Variants in DAB2IP observed in about 807,000 individuals in gnomAD.
DAB2IP encodes DAB2 interacting protein, also known as disabled homolog 2-interacting protein.
A neutral mutation model predicts 107.2 loss-of-function variants in DAB2IP; 28 were observed. The ratio of observed to expected loss-of-function variants is 0.26; its 90% CI spans 0.19 to 0.36. DAB2IP has a LOEUF of 0.36. DAB2IP is among the 10% of genes least tolerant of loss of function. The pLI, the probability that DAB2IP is intolerant of heterozygous loss-of-function variation, is 1.00. For missense variants in DAB2IP, 1,400 were observed against 1,644.7 expected, an observed-to-expected ratio of 0.85 and a Z score of 2.57; for synonymous variants, 755 against 706.4, an observed-to-expected ratio of 1.07 and a Z score of -1.09.
chr9:121,585,131 C>T (rs1373818759), intron 1 of DAB2IP, among the ~76,000 whole-genome samples: 2 of 152,180 alleles, frequency 1.3e-5, no homozygotes, highest in African/African-American at 4.8e-5. Context: ...TATCTACTCA[C>T]TGCATTGAAC....
At position 121,633,061 on chromosome 9, in the gene DAB2IP, C is replaced by T. The variant is rs142127436; in HGVS notation, c.41-45617C>T. Among the ~76,000 whole-genome samples the T allele has an allele frequency of 4.6e-5, 7 of 152,256 alleles. No individual in the cohort carries two copies. Among genetic ancestry groups the T allele is most frequent in the Admixed American group, 4.6e-4 (7 of 15,294 alleles). ...CCGGGCAGTGGGAGCCCACTGATGC[C>T]GGAGAATAAATTTGCTGTTTTGTAG... On this transcript the variant is annotated intron_variant, in intron 1 of 16. Transcript: ENST00000259371. The surrounding 1 kb of genome is among the most constrained non-coding windows in gnomAD (Gnocchi z 5.1).
intron 3 of DAB2IP, among the ~76,000 whole-genome samples, chr9:121,756,310 C>T (rs915798997): frequency 1.3e-5 from 2 of 152,198 alleles, no homozygotes; most frequent in African/African-American, 4.8e-5. Context: ...CGTTTGGGTG[C>T]CGGGTGGCAT....
At chr9:121,770,627 C>A (rs1834650904) in exon 11 of DAB2IP, 1 of 1,614,050 alleles carries the variant, frequency 6.2e-7, no homozygotes, top group South Asian at 1.1e-5. Context: ...TAGCGGGCAG[C>A]TCCCAGGGAC....
chr9:121,783,827 C>T (rs1835826204), exon 16 of DAB2IP: 1 of 526,544 alleles, frequency 1.9e-6, no homozygotes, highest in South Asian at 2.4e-5. Context: ...CCCTCCCCCA[C>T]TTTCAAGACA....
At chr9:121,654,434 TTTTGTTTG>T (rs201949718) in intron 1 of DAB2IP, among the ~76,000 whole-genome samples, 1 of 152,032 alleles carries the variant, frequency 6.6e-6, no homozygotes, top group Admixed American at 6.5e-5. Flanking sequence ...TCAATATTGT[TTTTGTTTG>T]TTTGTTTGTT....
chr9:121,702,450 AAACGGCC>A lies in DAB2IP; in HGVS notation c.362+2993_362+2999del, dbSNP rs1220153395. Among the ~76,000 whole-genome samples the A allele has an allele frequency of 6.6e-6, 1 of 152,118 alleles. No homozygotes were observed. The highest frequency in any genetic ancestry group is 1.5e-5 in the Non-Finnish European group (1 of 68,022). ...TTGAGCCTTCGGACTTATTCTTCTG[AAACGGCC>A]TCAGGGGAGGTTGCCAGCTGGTCTC... is the stretch of plus-strand genomic sequence containing the variant. On this transcript the variant is annotated intron_variant, in intron 3 of 15. Coordinates refer to ENST00000408936, the Ensembl canonical transcript of DAB2IP. The surrounding 1 kb of genome is among the most constrained non-coding windows in gnomAD (Gnocchi z 4.5).
In DAB2IP at chr9:121,699,590, G is replaced by T; in HGVS notation, c.362+132G>T. 1.2e-6 allele frequency: 1 copy of T among 801,346 alleles called. No individual in the cohort carries two copies. The highest frequency in any genetic ancestry group is 1.6e-6 in the Non-Finnish European group (1 of 627,836). 49.6% of individuals were successfully genotyped at this position (801,346 alleles called of 1,614,324 possible). ...TGGGGGGACCCCACGCCGCCCGCCG[G>T]GAACTTATGGGGCCACCTCGGCCGG... On this transcript the variant is annotated intron_variant, in intron 3 of 15. Coordinates refer to ENST00000408936, the Ensembl canonical transcript of DAB2IP. The surrounding 1 kb of genome is among the most constrained non-coding windows in gnomAD (Gnocchi z 6.2).
At chr9:121,666,917 A>ACAC (rs1564143999) in intron 1 of DAB2IP, among the ~76,000 whole-genome samples, 1,189 of 104,726 alleles carry the variant, frequency 0.011, 12 homozygotes, top group East Asian at 0.03. Flanking sequence ...CACACACACA[A>ACAC]CACTCTTAAA....
At chr9:121,770,447 CA>C in intron 10 of DAB2IP, 98 bp from the exon 11 acceptor site, 1 of 1,358,210 alleles carries the variant, frequency 7.4e-7, no homozygotes, top group Non-Finnish European at 1.0e-6. Context: ...GCACTTCTGA[CA>C]GGCTCCGCAG....
chr9:121,715,395 T>G (rs1459345316), intron 3 of DAB2IP, among the ~76,000 whole-genome samples: 1 of 151,162 alleles, frequency 6.6e-6, no homozygotes, highest in South Asian at 2.1e-4. Context: ...TAGCCCAGGC[T>G]GGAGTGGAGT....
chr9:121,629,203 C>T (rs377667949), intron 1 of DAB2IP, among the ~76,000 whole-genome samples: 110 of 152,300 alleles, frequency 7.2e-4, no homozygotes, highest in African/African-American at 2.6e-3. Flanking sequence ...CCTCGGGGCC[C>T]TACCTGCAAA....
chr9:121,755,456 C>T lies in DAB2IP; in HGVS notation c.363-1557C>T, dbSNP rs149089993. Among the ~76,000 whole-genome samples the T allele has an allele frequency of 7.9e-4, 120 of 152,302 alleles. 1 individual carries two copies. In the East Asian group the frequency reaches 0.021, roughly 27 times the overall value. The stretch of plus-strand genomic sequence containing the variant: ...GTTTTCCTCTGGCTCTGCCCATTCC[C>T]TCTGCTTTCAGAGGCCAGCTTCGTG... On this transcript the variant is annotated intron_variant, in intron 3 of 15. Coordinates refer to ENST00000408936, the Ensembl canonical transcript of DAB2IP.
intron 1 of DAB2IP, among the ~76,000 whole-genome samples, chr9:121,677,914 G>A (rs1032202624): frequency 3.3e-5 from 5 of 152,024 alleles, no homozygotes; most frequent in African/African-American, 1.2e-4. Flanking sequence ...CTCCCGCCTC[G>A]GCCTTCCAAA....
At chr9:121,592,473 T>C (rs537525089) in intron 1 of DAB2IP, among the ~76,000 whole-genome samples, 1 of 152,194 alleles carries the variant, frequency 6.6e-6, no homozygotes, top group African/African-American at 2.4e-5. Flanking sequence ...AATGTCCATG[T>C]CACCAGGATA....
rs751379933 is a variant in DAB2IP, at chr9:121,760,335, T to C, written c.1066T>C (p.Tyr356His). Residue 356 changes from tyrosine (Y) to histidine (H), a missense_variant, in exon 6 of 16, where the codon TAC becomes CAC. Tyr to His is a moderately conservative substitution (Grantham distance 83). Around this residue, in one of 3 missense-constraint regions of DAB2IP, gnomAD observed 517 missense variants for 748.6 expected, o/e 0.69. Transcript: ENST00000408936. This position sits in a 1 kb window ranked among gnomAD's most constrained non-coding sequence, Gnocchi z 5.9. ...GTTCGCTGAGCACATCACCAACCAC[T>C]ACCTGGGGCTGTGTGCAGCCCTCGA... 1 of 1,613,274 alleles carries C rather than the reference T, an allele frequency of 6.2e-7. No homozygotes were observed. Among genetic ancestry groups the C allele is most frequent in the Non-Finnish European group, 8.5e-7 (1 of 1,180,010 alleles).
intron 3 of DAB2IP, among the ~76,000 whole-genome samples, chr9:121,707,096 A>G (rs1830093763): frequency 6.6e-6 from 1 of 152,168 alleles, no homozygotes; most frequent in Non-Finnish European, 1.5e-5. Context: ...GCAGACCCCT[A>G]GGGTTATCCC....
Position 121,668,848 on chromosome 9 carries a change from C to T in DAB2IP, c.125-9830C>T, listed in dbSNP as rs564596155. On this transcript the variant is annotated intron_variant, in intron 1 of 15. Coordinates refer to ENST00000408936, the Ensembl canonical transcript of DAB2IP. ...TGCACATGTAAACAAAGTAAAACAT[C>T]ATATTAATCACATAGACAGCAAGTG... 1.6e-3 allele frequency among the ~76,000 whole-genome samples: 243 copies of T among 147,968 alleles called. 2 individuals are homozygous for T. The highest frequency in any genetic ancestry group is 5.9e-3 in the African/African-American group (236 of 40,294).
chr9:121,742,883 G>A (rs1409766839), intron 3 of DAB2IP: 3 of 985,432 alleles, frequency 3.0e-6, no homozygotes, highest in South Asian at 9.4e-5. Context: ...GGGTTCTGAG[G>A]CTCAAACTGA....
Position 121,772,531 on chromosome 9 carries a change from G to A in DAB2IP, c.2079-76G>A, listed in dbSNP as rs543780257. 4.4e-5 allele frequency: 67 copies of A among 1,509,334 alleles called. No homozygotes were observed. Among genetic ancestry groups the A allele is most frequent in the East Asian group, 4.3e-4 (19 of 43,912 alleles). The allele number at this position is 1,509,334 out of a possible 1,614,324, so 93.5% of individuals were successfully genotyped here. A position where few individuals can be genotyped will look rare whatever the true frequency, so the allele number is the denominator to read the frequency against. The stretch of plus-strand genomic sequence containing the variant: ...CCCCGGCAGGTTGGCGGGTGCTGTC[G>A]GTTTGGACCCGCCTTGGCTGCACTC... On this transcript the variant is annotated intron_variant, in intron 11 of 15. Transcript: ENST00000408936. The surrounding 1 kb of genome is among the most constrained non-coding windows in gnomAD (Gnocchi z 4.7).
Sources: allele counts gnomAD v4.1 joint callset (sites outside exome capture counted in the v4.1 genomes callset), GRCh38; gene constraint gnomAD v4.1.1; regional missense constraint gnomAD v4.1.1; non-coding constraint Gnocchi (gnomAD v3.1); transcripts MANE v1.5; gene names NCBI Gene and HGNC (gene_info 2026-07-23, HGNC 2026-07-21).